SFPQ: variants seen among roughly 807,000 people sequenced by gnomAD.
SFPQ encodes the protein splicing factor, proline- and glutamine-rich.
A neutral mutation model predicts 72.9 loss-of-function variants in SFPQ; 11 were observed. That is an observed-to-expected ratio of 0.15 (90% confidence interval 0.09 to 0.25). The LOEUF (loss-of-function observed/expected upper bound fraction) is 0.25, where lower values mean the gene tolerates loss of function less well. Ranked by LOEUF, SFPQ falls within the 10% of genes least tolerant of loss-of-function variation. SFPQ has a pLI of 1.00. For synonymous variants in SFPQ, 506 were observed against 367.3 expected (o/e 1.38, Z -4.32); for missense variants, 847 against 993.3 (o/e 0.85, Z 1.98).
At chr1:35,178,146 T>TG, downstream of SFPQ, 6 of 1,105,724 alleles carry the variant, frequency 5.4e-6, no homozygotes, top group Non-Finnish European at 6.7e-6. Context: ...AGATAAAGAT[T>TG]GGGGGTAAGT....
At chr1:35,188,878 T>C in intron 6 of SFPQ, 125 bp downstream of exon 6, 2 of 728,958 alleles carry the variant, frequency 2.7e-6, no homozygotes, top group Non-Finnish European at 4.7e-6. Context: ...AGAGAATCGC[T>C]TGAACCCAGG....
chr1:35,178,221 A>G (rs1639326905), downstream of SFPQ: 12 of 1,102,186 alleles, frequency 1.1e-5, no homozygotes, highest in South Asian at 3.5e-4. Flanking sequence ...TTCTTACATA[A>G]AATAAGTAGA....
In SFPQ at chr1:35,186,993, T is replaced by C; in HGVS notation, c.1986+8A>G. The stretch of plus-strand genomic sequence containing the variant: ...TTCCTTGGTACTACGTCCCACAGGA[T>C]ACATTACCATGTCACTTCCCATCAT... On this transcript the variant is annotated splice_region_variant and intron_variant, in intron 9 of 9. Coordinates refer to ENST00000357214, the MANE Select transcript of SFPQ (RefSeq NM_005066.3). 1 of 1,612,798 alleles carries C rather than the reference T, an allele frequency of 6.2e-7. No individual in the cohort carries two copies. The highest frequency in any genetic ancestry group is 8.5e-7 in the Non-Finnish European group (1 of 1,179,004).
At chr1:35,180,055 G>A (rs1639402803), downstream of SFPQ, 1 of 1,053,260 alleles carries the variant, frequency 9.5e-7, no homozygotes, top group Non-Finnish European at 1.1e-6. Flanking sequence ...ACATGTTAAA[G>A]TACAAGTCTG....
At chr1:35,179,125 C>G (rs1040663648), downstream of SFPQ, 3 of 1,058,778 alleles carry the variant, frequency 2.8e-6, no homozygotes, top group African/African-American at 4.9e-5. Context: ...AAAGCCAAAA[C>G]CAAATAAAGG....
intron 4 of SFPQ, chr1:35,177,415 T>C (rs1639290179): frequency 6.6e-6 from 1 of 152,110 alleles, no homozygotes; most frequent in African/African-American, 2.4e-5. Flanking sequence ...ACAAAAAATG[T>C]TAACTTGCTC....
chr1:35,178,036 C>T (rs1175665594), downstream of SFPQ: 1 of 1,284,052 alleles, frequency 7.8e-7, no homozygotes, highest in Non-Finnish European at 1.0e-6. Flanking sequence ...ATCATTCTTA[C>T]CTAAAGAATA....
chr1:35,180,913 T>A (rs985884320), downstream of SFPQ: 22 of 985,200 alleles, frequency 2.2e-5, no homozygotes, highest in Non-Finnish European at 2.5e-5. Flanking sequence ...TACCAAAGAA[T>A]CAAGTTTGCA....
rs1010484277 is a variant in SFPQ at position 35,183,662 on chromosome 1, G to A, written c.*794C>T. 2 of 1,038,630 alleles carry A rather than the reference G, an allele frequency of 1.9e-6. No individual in the cohort carries two copies. Among genetic ancestry groups the A allele is most frequent in the African/African-American group, 3.4e-5 (2 of 59,532 alleles). 64.3% of individuals were successfully genotyped at this position (1,038,630 alleles called of 1,614,324 possible). On this transcript the variant is annotated 3_prime_UTR_variant, in exon 10 of 10. Coordinates refer to ENST00000357214, the MANE Select transcript of SFPQ (RefSeq NM_005066.3). ...AATACAAGCCATTTATAGGGCTTGA[G>A]ATTTGTTGGTCTTTTAAAAACAAGA...
downstream of SFPQ, chr1:35,182,911 G>A: frequency 9.6e-7 from 1 of 1,045,796 alleles, no homozygotes; most frequent in Non-Finnish European, 1.2e-6. Context: ...CAATGAAGTT[G>A]ACAATTAACT....
downstream of SFPQ, chr1:35,181,411 G>GTT (rs1468472438): frequency 9.4e-7 from 1 of 1,063,974 alleles, no homozygotes; most frequent in Non-Finnish European, 1.1e-6. Flanking sequence ...TTGCACAGGC[G>GTT]TAACATTACA....
chr1:35,179,014 A>C, downstream of SFPQ: 1 of 1,058,668 alleles, frequency 9.4e-7, no homozygotes. Flanking sequence ...ATCTAGCAGC[A>C]ATGACAGATG....
intron 5 of SFPQ, chr1:35,176,588 G>A (rs549978514): frequency 2.0e-5 from 3 of 152,160 alleles, no homozygotes; most frequent in Admixed American, 6.5e-5. Flanking sequence ...CTTATTAATC[G>A]GCCTGGCGCA....
chr1:35,183,569 C>G lies in SFPQ; in HGVS notation c.*887G>C. The G allele has an allele frequency of 9.8e-7, 1 of 1,019,900 alleles. No individual in the cohort carries two copies. The highest frequency in any genetic ancestry group is 6.6e-5 in the East Asian group (1 of 15,232). 63.2% of individuals were successfully genotyped at this position (1,019,900 alleles called of 1,614,324 possible). ...TTTTGTTTTTTAGACTACACCCCAT[C>G]TTTATAAATCACTTGAATACATGAA... On this transcript the variant is annotated 3_prime_UTR_variant, in exon 10 of 10. Transcript: ENST00000357214.
downstream of SFPQ, chr1:35,181,152 T>A: frequency 2.8e-6 from 3 of 1,065,360 alleles, no homozygotes; most frequent in Non-Finnish European, 3.4e-6. Context: ...CAGTCGGCAA[T>A]GAGAATCTTG....
chr1:35,192,284 G>A lies in SFPQ; in HGVS notation c.766C>T (p.His256Tyr), dbSNP rs1570142894. Residue 256 changes from histidine to tyrosine, a missense_variant, in exon 1 of 10, where the codon CAC becomes TAC. This residue lies in a region of SFPQ where 498 missense variants were observed against 405.1 expected (regional missense o/e 1.23). Coordinates refer to ENST00000357214, the MANE Select transcript of SFPQ (RefSeq NM_005066.3). The stretch of plus-strand genomic sequence containing the variant: ...GGCCCGCCGGGCGGGGGCCCCTGGT[G>A]ATGCTGCTGGTGGTAGGGCGGGTGG... Reference protein sequence around the residue: ...QHHPPYHQQHHQGPPPGGPGG... With the variant: ...QHHPPYHQQHYQGPPPGGPGG... 1 of 1,462,524 alleles carries A rather than the reference G, an allele frequency of 6.8e-7. No homozygotes were observed. Among genetic ancestry groups the A allele is most frequent in the Non-Finnish European group, 9.0e-7 (1 of 1,115,288 alleles). The allele number at this position is 1,462,524 out of a possible 1,614,324, so 90.6% of individuals were successfully genotyped here.
In SFPQ at chr1:35,190,818, T is replaced by G. The variant is rs1315063418; in HGVS notation, c.1195A>C (p.Arg399=). 5.6e-6 allele frequency: 9 copies of G among 1,614,186 alleles called. No individual in the cohort carries two copies. Among genetic ancestry groups the G allele is most frequent in the Non-Finnish European group, 7.6e-6 (9 of 1,180,034 alleles). The part of the protein sequence containing the change: ...EAFSQFGPIE[R]AVVIVDDRGR... Reference sequence around the variant, plus strand: ...CGATCATCCACTATTACAACAGCCCTTTCAATAGGACCAAATTGGCTAAAG... The same window carrying G: ...CGATCATCCACTATTACAACAGCCCGTTCAATAGGACCAAATTGGCTAAAG... The change falls in exon 3 of 10, where the codon AGG becomes CGG. Residue 399 remains arginine (R), a synonymous_variant. Transcript: ENST00000357214.
chr1:35,192,219 C>T lies in SFPQ; in HGVS notation c.828+3G>A. ...CCGACGCGTCGCTCCCATAGACACT[C>T]ACCTCCGAGTCCGAGATCTTCTCCT... On this transcript the variant is annotated splice_donor_region_variant and intron_variant, in intron 1 of 9. Transcript: ENST00000357214. 6.9e-7 allele frequency: 1 copy of T among 1,453,734 alleles called. No homozygotes were observed. Among genetic ancestry groups the T allele is most frequent in the Non-Finnish European group, 9.0e-7 (1 of 1,110,916 alleles). 90.1% of individuals were successfully genotyped at this position (1,453,734 alleles called of 1,614,324 possible). A position where few individuals can be genotyped will look rare whatever the true frequency, so the allele number is the denominator to read the frequency against.
downstream of SFPQ, chr1:35,178,934 G>A (rs115748603): frequency 9.1e-4 from 954 of 1,050,526 alleles, 5 homozygotes; most frequent in African/African-American, 0.015. Flanking sequence ...CAAAAGCAAC[G>A]TTTTTATGGT....
Sources: allele counts gnomAD v4.1 joint callset, GRCh38; gene constraint gnomAD v4.1.1; regional missense constraint gnomAD v4.1.1; transcripts MANE v1.5; gene names NCBI Gene and HGNC (gene_info 2026-07-23, HGNC 2026-07-21).